The following SEPTIN9 variants were observed in gnomAD, a reference collection of about 807,000 sequenced individuals.
SEPTIN9 encodes the protein septin-9.
Under a neutral mutation model 56.6 loss-of-function variants are expected in SEPTIN9, and 13 were observed. That is an observed-to-expected ratio of 0.23 (90% CI 0.15 to 0.37). The LOEUF (loss-of-function observed/expected upper bound fraction) is 0.37. Among genes scored for constraint, SEPTIN9 ranks in the 10% least tolerant of loss-of-function variants. The probability of loss-of-function intolerance (pLI) is 1.00; values close to 1 mark genes in which losing one functional copy is unlikely to be tolerated. For missense variants in SEPTIN9, 650 were observed against 823.1 expected (o/e 0.79, Z 2.57); for synonymous variants, 332 against 334.1 (o/e 0.99, Z 0.07).
chr17:77,409,122 A>G (rs2036197040), intron 3 of SEPTIN9, among the ~76,000 whole-genome samples: 1 of 151,630 alleles, frequency 6.6e-6, no homozygotes. Context: ...ACCTCCTCCC[A>G]TTTTCCTGAG....
chr17:77,480,872 G>A (rs2039429713), intron 3 of SEPTIN9, among the ~76,000 whole-genome samples: 1 of 152,182 alleles, frequency 6.6e-6, no homozygotes, highest in South Asian at 2.1e-4. Context: ...GCCTGGATGG[G>A]CCCAAGCAGG....
At chr17:77,491,618 A>T (rs2040030746) in intron 8 of SEPTIN9, among the ~76,000 whole-genome samples, 1 of 151,690 alleles carries the variant, frequency 6.6e-6, no homozygotes, top group South Asian at 2.1e-4. Context: ...TTTGAGGCCA[A>T]CATGATGAAA....
chr17:77,426,803 C>T (rs2036932193), intron 3 of SEPTIN9, among the ~76,000 whole-genome samples: 1 of 152,116 alleles, frequency 6.6e-6, no homozygotes, highest in African/African-American at 2.4e-5. Flanking sequence ...TCTGGGAGGG[C>T]AGGGGACACT....
chr17:77,382,921 G>A (rs564622912), intron 2 of SEPTIN9, among the ~76,000 whole-genome samples: 160 of 152,146 alleles, frequency 1.1e-3, no homozygotes, highest in African/African-American at 3.6e-3. Context: ...CTCCTGGCCC[G>A]GAAACATGGA....
intron 2 of SEPTIN9, among the ~76,000 whole-genome samples, chr17:77,368,248 G>A (rs1367591882): frequency 6.6e-6 from 1 of 152,200 alleles, no homozygotes; most frequent in East Asian, 1.9e-4. Flanking sequence ...GGTGTACAAT[G>A]TGAATGTACT....
intron 1 of SEPTIN9, among the ~76,000 whole-genome samples, chr17:77,304,196 C>T (rs559329100): frequency 1.7e-4 from 26 of 152,324 alleles, no homozygotes; most frequent in East Asian, 3.9e-4. Context: ...ACAGCAGTGG[C>T]GGCAGCGGCT....
chr17:77,283,119 C>G (rs924980781), intron 1 of SEPTIN9, among the ~76,000 whole-genome samples: 6 of 151,684 alleles, frequency 4.0e-5, no homozygotes, highest in African/African-American at 1.5e-4. Flanking sequence ...GTCCTTTTCT[C>G]CTCTCCTCCA....
chr17:77,500,050 C>G lies in SEPTIN9; in HGVS notation c.*1392C>G, dbSNP rs776350696. 31 of 234,978 alleles carry G rather than the reference C, an allele frequency of 1.3e-4. No homozygotes were observed. Among genetic ancestry groups the G allele is most frequent in the Non-Finnish European group, 2.5e-4 (30 of 119,384 alleles). The allele number at this position is 234,978 out of a possible 1,614,324, so 14.6% of individuals were successfully genotyped here. Reference sequence around the variant, plus strand: ...CCTGCTTCCTGTTACCTGTCTTGCTCCTGGGGAGAAAGAGGGGCCTGATGA... The same window carrying G: ...CCTGCTTCCTGTTACCTGTCTTGCTGCTGGGGAGAAAGAGGGGCCTGATGA... On this transcript the variant is annotated 3_prime_UTR_variant, in exon 12 of 12. Coordinates refer to ENST00000427177, the MANE Select transcript of SEPTIN9 (RefSeq NM_001113491.2).
rs2039836871 is a variant in SEPTIN9, at chr17:77,487,368, A to G, written c.914-56A>G. 3.9e-6 allele frequency: 6 copies of G among 1,555,750 alleles called. No individual in the cohort carries two copies. The highest frequency in any genetic ancestry group is 1.2e-5 in the South Asian group (1 of 84,522). On this transcript the variant is annotated intron_variant, in intron 4 of 11. Transcript: ENST00000427177. This position sits in a 1 kb window ranked among gnomAD's most constrained non-coding sequence, Gnocchi z 4.3. ...CCTGGGTGGGAGGGGCCCCATGTGC[A>G]GACCCTGCTGGTCTCTCCGGAGAGA...
intron 2 of SEPTIN9, among the ~76,000 whole-genome samples, chr17:77,395,268 C>T (rs1158071393): frequency 6.6e-6 from 1 of 151,996 alleles, no homozygotes; most frequent in Non-Finnish European, 1.5e-5. Flanking sequence ...TGGCTCACGC[C>T]TGTAATCGCA....
intron 2 of SEPTIN9, chr17:77,322,503 G>A (rs2032974704): frequency 6.6e-6 from 1 of 152,256 alleles, no homozygotes. Context: ...CAGTCCCGGA[G>A]CTGTTTCCCT....
At chr17:77,441,907 C>A (rs986408325) in intron 3 of SEPTIN9, among the ~76,000 whole-genome samples, 36 of 152,112 alleles carry the variant, frequency 2.4e-4, no homozygotes, top group African/African-American at 8.7e-4. Flanking sequence ...GTGGGACAGG[C>A]GACACTGCAG....
At chr17:77,296,602 C>T (rs1229238614) in intron 1 of SEPTIN9, among the ~76,000 whole-genome samples, 1 of 152,170 alleles carries the variant, frequency 6.6e-6, no homozygotes, top group Non-Finnish European at 1.5e-5. Context: ...CTGTAATAAC[C>T]AGCACATTGG....
At chr17:77,414,572 C>CTTT (rs559525322) in intron 3 of SEPTIN9, among the ~76,000 whole-genome samples, 57 of 123,822 alleles carry the variant, frequency 4.6e-4, no homozygotes, top group East Asian at 8.2e-4. Context: ...TGTGTGGATT[C>CTTT]TTTTTTTTTT....
chr17:77,361,868 G>A (rs552331116), intron 2 of SEPTIN9, among the ~76,000 whole-genome samples: 4 of 152,274 alleles, frequency 2.6e-5, no homozygotes, highest in South Asian at 2.1e-4. Flanking sequence ...TCTTGACCTC[G>A]TGATCCGCCC....
At chr17:77,286,303 C>G (rs905090812) in intron 1 of SEPTIN9, 1 of 152,400 alleles carries the variant, frequency 6.6e-6, no homozygotes, top group Non-Finnish European at 1.5e-5. Context: ...GGCACTTGCC[C>G]GTCAGATCTC....
rs370368884 is a variant in SEPTIN9 at position 77,383,269 on chromosome 17, C to G, written c.77-18790C>G. Among the ~76,000 whole-genome samples the G allele has an allele frequency of 4.0e-4, 61 of 152,144 alleles. 2 individuals are homozygous for G. The South Asian group carries it at 0.012, about 29-fold the overall frequency. ...TTCTCTCCTTACCCACAGGCACCTC[C>G]TGTGACTGAGCTTCTCCTTGTTATT... On this transcript the variant is annotated intron_variant, in intron 2 of 11. Coordinates refer to ENST00000427177, the MANE Select transcript of SEPTIN9 (RefSeq NM_001113491.2).
intron 3 of SEPTIN9, among the ~76,000 whole-genome samples, chr17:77,466,157 C>G (rs1481852438): frequency 6.6e-6 from 1 of 151,722 alleles, no homozygotes; most frequent in Non-Finnish European, 1.5e-5. Flanking sequence ...CACTTTAAAC[C>G]ACCACACAGC....
chr17:77,350,610 A>AGAGTGT (rs141783843), intron 2 of SEPTIN9, among the ~76,000 whole-genome samples: 2 of 149,396 alleles, frequency 1.3e-5, no homozygotes, highest in Non-Finnish European at 3.0e-5. Flanking sequence ...CCTCCAGTGC[A>AGAGTGT]GTGTGTGTGT....
Sources: gnomAD v4.1 joint callset for allele counts (sites outside exome capture counted in the v4.1 genomes callset) on GRCh38, gnomAD v4.1.1 for gene constraint, Gnocchi (gnomAD v3.1) non-coding constraint, MANE v1.5 for transcripts, NCBI Gene and HGNC (gene_info 2026-07-23, HGNC 2026-07-21) for gene names.